SNTG1: variants seen among roughly 807,000 people sequenced by gnomAD.
The protein encoded by SNTG1 is gamma-1-syntrophin.
SNTG1 carries 39 observed loss-of-function variants against 74.7 expected under a neutral mutation model. That is an observed-to-expected ratio of 0.52 (90% CI 0.40 to 0.68). The LOEUF (loss-of-function observed/expected upper bound fraction) is 0.68. SNTG1 is among the 30% of genes least tolerant of loss of function. SNTG1 has a pLI of 0.00. For missense variants in SNTG1, 685 were observed against 609.5 expected, an observed-to-expected ratio of 1.12 and a Z score of -1.30; for synonymous variants, 254 against 217.1, an observed-to-expected ratio of 1.17 and a Z score of -1.49.
At chr8:49,953,322 G>GCCC (rs1294201595) in intron 1 of SNTG1, among the ~76,000 whole-genome samples, 1 of 152,218 alleles carries the variant, frequency 6.6e-6, no homozygotes, top group Non-Finnish European at 1.5e-5. Context: ...CAGGGATCCA[G>GCCC]CCAGTCTGAG....
chr8:50,498,568 A>G (rs1299125446), intron 8 of SNTG1, among the ~76,000 whole-genome samples: 2 of 151,916 alleles, frequency 1.3e-5, no homozygotes, highest in Non-Finnish European at 2.9e-5. Context: ...AGTATGTTGC[A>G]TAGAAAAGAA....
At chr8:49,942,584 T>C (rs1369995704) in intron 1 of SNTG1, among the ~76,000 whole-genome samples, 1 of 152,224 alleles carries the variant, frequency 6.6e-6, no homozygotes, top group Non-Finnish European at 1.5e-5. Flanking sequence ...TTTGTCCTCA[T>C]GTCTCCTCAG....
rs138927639 is a variant in SNTG1 at position 50,726,420 on chromosome 8, G to A, written c.1284+17442G>A. On this transcript the variant is annotated intron_variant, in intron 17 of 18. Coordinates refer to ENST00000642720, the MANE Select transcript of SNTG1 (RefSeq NM_018967.5). ...ATGAACTGGCCGAAGTTGGGGGAGC[G>A]CTCAAGTGGGGCCCCTCAGGCAGAG... 2.2e-3 allele frequency among the ~76,000 whole-genome samples: 338 copies of A among 152,270 alleles called. 5 individuals are homozygous for A. The highest frequency in any genetic ancestry group is 7.5e-3 in the African/African-American group (311 of 41,552).
intron 8 of SNTG1, among the ~76,000 whole-genome samples, chr8:50,462,458 TG>T (rs1157604686): frequency 1.3e-5 from 2 of 152,056 alleles, no homozygotes; most frequent in African/African-American, 4.8e-5. Context: ...TTGGGGTGGC[TG>T]GGGCAATTTC....
chr8:50,170,097 G>A (rs1019159175), intron 1 of SNTG1, among the ~76,000 whole-genome samples: 1 of 152,118 alleles, frequency 6.6e-6, no homozygotes, highest in Non-Finnish European at 1.5e-5. Context: ...TGGTACTTTG[G>A]ACATTGTGTT....
intron 2 of SNTG1, among the ~76,000 whole-genome samples, chr8:50,303,659 G>A (rs78024533): frequency 0.069 from 10,503 of 151,946 alleles, 404 homozygotes; most frequent in African/African-American, 0.085. Context: ...TTCTGCAAAA[G>A]TCTTTTTGGT....
chr8:50,631,171 A>C (rs1026846577), intron 13 of SNTG1, among the ~76,000 whole-genome samples: 4 of 152,224 alleles, frequency 2.6e-5, no homozygotes, highest in African/African-American at 2.4e-5. Context: ...AAAAAGAAAA[A>C]GCAATGTTTC....
chr8:50,679,729 AG>A (rs2131382291), intron 15 of SNTG1, among the ~76,000 whole-genome samples: 1 of 152,316 alleles, frequency 6.6e-6, no homozygotes, highest in African/African-American at 2.4e-5. Flanking sequence ...GCTTGGAATC[AG>A]GGAACTGTCT....
intron 4 of SNTG1, among the ~76,000 whole-genome samples, chr8:50,404,413 C>T (rs2092844141): frequency 6.6e-6 from 1 of 151,980 alleles, no homozygotes; most frequent in South Asian, 2.1e-4. Context: ...AAGTTGATTC[C>T]AAAATTTACA....
intron 13 of SNTG1, among the ~76,000 whole-genome samples, chr8:50,592,946 AACTCAC>A (rs1173592413): frequency 6.6e-6 from 1 of 152,176 alleles, no homozygotes; most frequent in Non-Finnish European, 1.5e-5. Flanking sequence ...TAATTAGGAA[AACTCAC>A]TGCACAGTAT....
In SNTG1 at chr8:50,469,746, A is replaced by T. The variant is rs189756028; in HGVS notation, c.363+19017A>T. 9.8e-5 allele frequency among the ~76,000 whole-genome samples: 15 copies of T among 152,300 alleles called. No homozygotes were observed. In the East Asian group the frequency reaches 2.9e-3, roughly 29 times the overall value. On this transcript the variant is annotated intron_variant, in intron 8 of 18. Coordinates refer to ENST00000642720, the MANE Select transcript of SNTG1 (RefSeq NM_018967.5). ...GTAATCCCAGCACTTTAGGAGGCCA[A>T]GATGGTCAGATCTCTTCAGGCCAGG...
At chr8:50,415,399 G>C (rs12544425) in intron 4 of SNTG1, among the ~76,000 whole-genome samples, 23,951 of 152,070 alleles carry the variant, frequency 0.16, 2,344 homozygotes, top group Middle Eastern at 0.26. Flanking sequence ...AAAGTGAAAT[G>C]GAATAGGTAA....
intron 2 of SNTG1, among the ~76,000 whole-genome samples, chr8:50,250,099 A>G (rs2086580222): frequency 6.6e-6 from 1 of 152,014 alleles, no homozygotes; most frequent in Non-Finnish European, 1.5e-5. Flanking sequence ...TATGATATGA[A>G]CGAAAAATGT....
intron 15 of SNTG1, among the ~76,000 whole-genome samples, chr8:50,683,342 G>A (rs73676393): frequency 0.014 from 2,091 of 152,238 alleles, 37 homozygotes; most frequent in African/African-American, 0.044. Flanking sequence ...TGGGGGTAAG[G>A]GGAAGACAGT....
intron 2 of SNTG1, among the ~76,000 whole-genome samples, chr8:50,264,131 A>G (rs2087333125): frequency 6.6e-6 from 1 of 152,222 alleles, no homozygotes; most frequent in Non-Finnish European, 1.5e-5. Flanking sequence ...ATACTTGAAG[A>G]TGAGTTAAAT....
intron 13 of SNTG1, among the ~76,000 whole-genome samples, chr8:50,617,147 A>C (rs915502057): frequency 6.6e-6 from 1 of 152,106 alleles, no homozygotes; most frequent in African/African-American, 2.4e-5. Context: ...CATAACACTT[A>C]TCACTGCCTG....
chr8:50,583,690 G>T (rs2094627176), intron 12 of SNTG1, among the ~76,000 whole-genome samples: 1 of 150,932 alleles, frequency 6.6e-6, no homozygotes, highest in South Asian at 2.1e-4. Flanking sequence ...CCCTGGAACT[G>T]TAAGTAAATA....
At chr8:50,358,024 C>T (rs942674282) in intron 2 of SNTG1, among the ~76,000 whole-genome samples, 2 of 151,990 alleles carry the variant, frequency 1.3e-5, no homozygotes, top group African/African-American at 4.8e-5. Flanking sequence ...CAAGTCCCAG[C>T]TTATCCATAA....
chr8:50,722,148 G>A (rs2095489265), intron 17 of SNTG1, among the ~76,000 whole-genome samples: 1 of 151,566 alleles, frequency 6.6e-6, no homozygotes, highest in Admixed American at 6.6e-5. Flanking sequence ...GTATACATAT[G>A]TGTATATATA....
Sources: gnomAD v4.1 joint callset for allele counts (sites outside exome capture counted in the v4.1 genomes callset) on GRCh38, gnomAD v4.1.1 for gene constraint, MANE v1.5 for transcripts, NCBI Gene and HGNC (gene_info 2026-07-23, HGNC 2026-07-21) for gene names.